The following DNAJC1 variants were observed in gnomAD, a reference collection of about 807,000 sequenced individuals.
The protein encoded by DNAJC1 is dnaJ homolog subfamily C member 1.
In DNAJC1, 58 loss-of-function variants were observed where a neutral mutation model predicts 76.6. That is an observed-to-expected ratio of 0.76 (90% CI 0.61 to 0.94). The LOEUF is 0.94. Among genes scored for constraint, DNAJC1 ranks in the 40% least tolerant of loss-of-function variants. The pLI is 0.00. For synonymous variants in DNAJC1, 258 were observed against 267.9 expected (o/e 0.96, Z 0.36); for missense variants, 689 against 677.3 (o/e 1.02, Z -0.19).
In DNAJC1 at chr10:21,877,695, A is replaced by G. The variant is rs563105131; in HGVS notation, c.978+4587T>C. On this transcript the variant is annotated intron_variant, in intron 8 of 11. Coordinates refer to ENST00000376980, the MANE Select transcript of DNAJC1 (RefSeq NM_022365.4). ...ATTGGCAAAAATATAGAGTACCTGGAATATTCATATCCTGCTGCTAAAGTA... is the reference window on the plus strand; with the variant it reads ...ATTGGCAAAAATATAGAGTACCTGGGATATTCATATCCTGCTGCTAAAGTA... 4.9e-4 allele frequency among the ~76,000 whole-genome samples: 75 copies of G among 152,322 alleles called. 1 individual carries two copies. In the East Asian group the frequency reaches 0.013, roughly 27 times the overall value.
chr10:21,930,446 C>T (rs184723834), intron 1 of DNAJC1, among the ~76,000 whole-genome samples: 16 of 152,074 alleles, frequency 1.1e-4, no homozygotes, highest in Admixed American at 2.0e-4. Context: ...CAAACCAAAC[C>T]AACACAAAAA....
At chr10:21,883,161 A>C (rs1836309678) in intron 7 of DNAJC1, among the ~76,000 whole-genome samples, 1 of 151,750 alleles carries the variant, frequency 6.6e-6, no homozygotes, top group East Asian at 1.9e-4. Context: ...GAGGCATGAG[A>C]CTCACTTGAG....
intron 9 of DNAJC1, among the ~76,000 whole-genome samples, chr10:21,772,198 T>C (rs1480484194): frequency 1.3e-5 from 2 of 152,104 alleles, no homozygotes; most frequent in East Asian, 1.9e-4. Context: ...TGTAGTTTTC[T>C]TGTGATGTCT....
chr10:21,872,518 G>T (rs959800341), intron 8 of DNAJC1, among the ~76,000 whole-genome samples: 2 of 152,158 alleles, frequency 1.3e-5, no homozygotes, highest in Non-Finnish European at 2.9e-5. Context: ...GTTGAAAAGT[G>T]TAATAACTGA....
intron 1 of DNAJC1, among the ~76,000 whole-genome samples, chr10:21,955,288 A>T (rs114101020): frequency 0.039 from 5,920 of 152,304 alleles, 182 homozygotes; most frequent in African/African-American, 0.082. Flanking sequence ...AAATCTACAG[A>T]TGATTTAGAA....
At chr10:21,777,229 T>C (rs148211185) in intron 9 of DNAJC1, among the ~76,000 whole-genome samples, 19 of 152,310 alleles carry the variant, frequency 1.2e-4, no homozygotes, top group African/African-American at 2.9e-4. Flanking sequence ...AGGTAAGATA[T>C]AGGGCTCTGA....
At chr10:21,867,143 GA>G (rs1292220018) in intron 8 of DNAJC1, among the ~76,000 whole-genome samples, 1 of 151,876 alleles carries the variant, frequency 6.6e-6, no homozygotes, top group Non-Finnish European at 1.5e-5. Flanking sequence ...TAAAATGAAA[GA>G]AAAAATAAAA....
At chr10:21,926,712 A>G (rs1475396649) in intron 3 of DNAJC1, among the ~76,000 whole-genome samples, 2 of 152,216 alleles carry the variant, frequency 1.3e-5, no homozygotes, top group African/African-American at 4.8e-5. Context: ...TTTTGCCTCA[A>G]GGAAAACCAG....
At chr10:21,995,350 A>C (rs573834053) in intron 1 of DNAJC1, among the ~76,000 whole-genome samples, 1 of 152,170 alleles carries the variant, frequency 6.6e-6, no homozygotes, top group Non-Finnish European at 1.5e-5. Flanking sequence ...ACTACTGCTC[A>C]CTATACAGGC....
chr10:21,836,035 A>G (rs544692780), intron 8 of DNAJC1, among the ~76,000 whole-genome samples: 3 of 152,318 alleles, frequency 2.0e-5, no homozygotes, highest in Admixed American at 6.5e-5. Context: ...CACATTCACC[A>G]AAGTTGAAAT....
chr10:21,812,108 G>C (rs1834978014), intron 8 of DNAJC1, among the ~76,000 whole-genome samples: 1 of 149,952 alleles, frequency 6.7e-6, no homozygotes, highest in Admixed American at 6.7e-5. Context: ...GCCCAGGCTA[G>C]AGTGCAACAG....
At chr10:21,810,096 C>T (rs185941890) in intron 8 of DNAJC1, among the ~76,000 whole-genome samples, 8 of 152,114 alleles carry the variant, frequency 5.3e-5, no homozygotes, top group African/African-American at 1.7e-4. Context: ...GCTTTAAATA[C>T]AGTCACATTG....
At chr10:21,950,740 G>A (rs1038661467) in intron 1 of DNAJC1, among the ~76,000 whole-genome samples, 3 of 152,188 alleles carry the variant, frequency 2.0e-5, no homozygotes, top group East Asian at 3.9e-4. Flanking sequence ...AAGTGAAAAA[G>A]CCTTAATGCT....
intron 1 of DNAJC1, among the ~76,000 whole-genome samples, chr10:21,931,086 A>T (rs1346593106): frequency 6.6e-6 from 1 of 152,144 alleles, no homozygotes; most frequent in Admixed American, 6.5e-5. Flanking sequence ...ATGTACCCCA[A>T]ATGTAAATGT....
At chr10:21,845,012 G>C (rs1428691699) in intron 8 of DNAJC1, among the ~76,000 whole-genome samples, 1 of 152,186 alleles carries the variant, frequency 6.6e-6, no homozygotes. Flanking sequence ...ACTCCAGCCT[G>C]GGTGACAGAG....
chr10:21,791,203 A>C (rs986456610), intron 9 of DNAJC1, among the ~76,000 whole-genome samples: 6 of 152,218 alleles, frequency 3.9e-5, no homozygotes, highest in Non-Finnish European at 7.3e-5. Flanking sequence ...TTGTGAATAT[A>C]TATGCACCCA....
intron 7 of DNAJC1, among the ~76,000 whole-genome samples, chr10:21,883,923 T>C (rs1038401564): frequency 2.6e-5 from 4 of 152,190 alleles, no homozygotes; most frequent in African/African-American, 9.6e-5. Flanking sequence ...ATTTATTAAG[T>C]AATGCTTACA....
chr10:21,813,822 G>A (rs1446449086), intron 8 of DNAJC1, among the ~76,000 whole-genome samples: 2 of 152,128 alleles, frequency 1.3e-5, no homozygotes, highest in African/African-American at 2.4e-5. Context: ...ACACCGCACT[G>A]GTTGTTTAGG....
intron 9 of DNAJC1, among the ~76,000 whole-genome samples, chr10:21,773,455 T>C (rs1834413986): frequency 6.6e-6 from 1 of 152,160 alleles, no homozygotes; most frequent in Non-Finnish European, 1.5e-5. Context: ...TTTCCTGATA[T>C]TGATTTCTAA....
Sources: allele counts gnomAD v4.1 joint callset (sites outside exome capture counted in the v4.1 genomes callset), GRCh38; gene constraint gnomAD v4.1.1; transcripts MANE v1.5; gene names NCBI Gene and HGNC (gene_info 2026-07-23, HGNC 2026-07-21).